Variants in ANKS1B observed in about 807,000 individuals in gnomAD.
The protein encoded by ANKS1B is ankyrin repeat and sterile alpha motif domain-containing protein 1B.
ANKS1B carries 36 observed loss-of-function variants against 148.3 expected under a neutral mutation model. The observed-to-expected ratio is 0.24, with a 90% CI of 0.19 to 0.32. ANKS1B has a LOEUF of 0.32. Ranked by LOEUF, ANKS1B falls within the 10% of genes least tolerant of loss-of-function variation. ANKS1B has a pLI of 1.00. For missense variants in ANKS1B, 1,157 were observed against 1,542.6 expected, an observed-to-expected ratio of 0.75 and a Z score of 4.19; for synonymous variants, 542 against 560.8, an observed-to-expected ratio of 0.97 and a Z score of 0.47.
chr12:99,021,640 A>G lies in ANKS1B; in HGVS notation c.2778+31517T>C, dbSNP rs571671857. 1.2e-4 allele frequency among the ~76,000 whole-genome samples: 18 copies of G among 152,334 alleles called. No homozygotes were observed. The East Asian group carries it at 3.1e-3, about 26-fold the overall frequency. ...GAAAGAACTTTGAAATGAGGAAAAC[A>G]AAATTGCCCAATAAAGGTGATATTT... On this transcript the variant is annotated intron_variant, in intron 17 of 26. Coordinates refer to ENST00000683438, the MANE Select transcript of ANKS1B (RefSeq NM_001352186.2).
At chr12:99,083,491 T>A (rs1397137864) in intron 16 of ANKS1B, among the ~76,000 whole-genome samples, 1 of 152,124 alleles carries the variant, frequency 6.6e-6, no homozygotes, top group Non-Finnish European at 1.5e-5. Flanking sequence ...AAATTTCAAA[T>A]TCCTCAGCCT....
At chr12:99,110,387 A>G (rs1448903458) in intron 15 of ANKS1B, among the ~76,000 whole-genome samples, 1 of 152,250 alleles carries the variant, frequency 6.6e-6, no homozygotes, top group African/African-American at 2.4e-5. Flanking sequence ...ATAGAAATAC[A>G]TCTTGCCTGA....
In ANKS1B at chr12:99,368,625, G is replaced by A. The variant is rs543344853; in HGVS notation, c.1756+31006C>T. ...CATTATAGATGTATAAAATATATGC[G>A]TATTTTTTCTTGCACTATCTGTTGT... On this transcript the variant is annotated intron_variant, in intron 12 of 26. Coordinates refer to ENST00000683438, the MANE Select transcript of ANKS1B (RefSeq NM_001352186.2). 2.7e-4 allele frequency among the ~76,000 whole-genome samples: 41 copies of A among 151,924 alleles called. 1 individual carries two copies. Among genetic ancestry groups the A allele is most frequent in the Admixed American group, 1.8e-3 (27 of 15,234 alleles).
Position 99,655,223 on chromosome 12 carries a change from T to C in ANKS1B, c.1129-13A>G, listed in dbSNP as rs775642621. On this transcript the variant is annotated splice_polypyrimidine_tract_variant and intron_variant, in intron 8 of 26. Coordinates refer to ENST00000683438, the MANE Select transcript of ANKS1B (RefSeq NM_001352186.2). ...TAGATGAGGTTCTCTGAAATTAAAT[T>C]TATATCATACCAATATATTATATCA... The C allele has an allele frequency of 6.4e-7, 1 of 1,574,454 alleles. No homozygotes were observed. The highest frequency in any genetic ancestry group is 1.1e-5 in the South Asian group (1 of 87,478).
chr12:99,941,613 T>C (rs1193460152), intron 1 of ANKS1B, among the ~76,000 whole-genome samples: 1 of 152,142 alleles, frequency 6.6e-6, no homozygotes, highest in African/African-American at 2.4e-5. Context: ...AAATAAGCTG[T>C]AGTCCTTCAC....
chr12:99,980,778 C>A (rs971343061), intron 1 of ANKS1B, among the ~76,000 whole-genome samples: 5 of 151,998 alleles, frequency 3.3e-5, no homozygotes, highest in African/African-American at 1.2e-4. Context: ...AAGAACTATC[C>A]TGCAGATGAA....
chr12:99,430,006 T>C (rs569486771), intron 11 of ANKS1B, among the ~76,000 whole-genome samples: 3 of 149,262 alleles, frequency 2.0e-5, no homozygotes, highest in African/African-American at 7.4e-5. Context: ...ACACCAGTGC[T>C]AATGAGGCAT....
chr12:99,373,058 T>A (rs1181730307), intron 12 of ANKS1B, among the ~76,000 whole-genome samples: 1 of 152,154 alleles, frequency 6.6e-6, no homozygotes, highest in African/African-American at 2.4e-5. Context: ...GATGTGAAAA[T>A]CACCTTCTTC....
At chr12:99,350,249 C>T (rs4385982) in intron 12 of ANKS1B, among the ~76,000 whole-genome samples, 2 of 152,042 alleles carry the variant, frequency 1.3e-5, no homozygotes, top group East Asian at 3.9e-4. Flanking sequence ...TGTAACTTTC[C>T]TGAGGCCTCT....
At chr12:99,393,986 G>C (rs146350456) in intron 12 of ANKS1B, among the ~76,000 whole-genome samples, 2 of 152,150 alleles carry the variant, frequency 1.3e-5, no homozygotes, top group Admixed American at 1.3e-4. Context: ...TCCTCCAGCT[G>C]ACATAGGCTG....
At chr12:99,814,492 C>T (rs2068848527) in intron 2 of ANKS1B, among the ~76,000 whole-genome samples, 1 of 151,672 alleles carries the variant, frequency 6.6e-6, no homozygotes, top group Non-Finnish European at 1.5e-5. Context: ...AAAGGTTATC[C>T]AGTTCACACG....
intron 9 of ANKS1B, among the ~76,000 whole-genome samples, chr12:99,638,753 G>A (rs1023209918): frequency 4.6e-5 from 7 of 152,194 alleles, no homozygotes; most frequent in African/African-American, 1.4e-4. Flanking sequence ...GACATTCACA[G>A]CAGCCCCTCC....
chr12:99,961,398 A>C (rs920445682), intron 1 of ANKS1B, among the ~76,000 whole-genome samples: 5 of 152,164 alleles, frequency 3.3e-5, no homozygotes, highest in African/African-American at 1.2e-4. Flanking sequence ...ATTTTTCCAC[A>C]TGCCTCTTTT....
At chr12:99,470,569 T>G in intron 10 of ANKS1B, among the ~76,000 whole-genome samples, 1 of 152,184 alleles carries the variant, frequency 6.6e-6, no homozygotes, top group East Asian at 1.9e-4. Context: ...TCAATTCTCC[T>G]ATTATTTTTA....
intron 9 of ANKS1B, among the ~76,000 whole-genome samples, chr12:99,620,022 G>C (rs1268650690): frequency 1.3e-5 from 2 of 152,156 alleles, no homozygotes. Context: ...TATACACCCA[G>C]CTACGGTGGC....
intron 16 of ANKS1B, among the ~76,000 whole-genome samples, chr12:99,054,689 T>A (rs548567390): frequency 8.6e-4 from 131 of 152,240 alleles, no homozygotes; most frequent in African/African-American, 3.0e-3. Flanking sequence ...CAGGTGAGTG[T>A]CACCAAGCCT....
intron 11 of ANKS1B, among the ~76,000 whole-genome samples, chr12:99,404,169 T>C (rs1567036686): frequency 6.9e-6 from 1 of 145,618 alleles, no homozygotes; most frequent in Non-Finnish European, 1.5e-5. Flanking sequence ...ACTGGGCCTA[T>C]TGGAGAGTGG....
At chr12:99,236,223 G>C (rs1224673476) in intron 14 of ANKS1B, among the ~76,000 whole-genome samples, 1 of 152,194 alleles carries the variant, frequency 6.6e-6, no homozygotes, top group Admixed American at 6.5e-5. Flanking sequence ...GGGTTTTCTA[G>C]ATATAGGATC....
intron 17 of ANKS1B, among the ~76,000 whole-genome samples, chr12:99,037,724 TAAGGTACTATCAGGTCA>T (rs1463764872): frequency 2.6e-5 from 4 of 152,202 alleles, no homozygotes; most frequent in Non-Finnish European, 4.4e-5. Flanking sequence ...TTTTTTCCTT[TAAGGTACTATCAGGTCA>T]GTGTGAAAAA....
Sources: gnomAD v4.1 joint callset for allele counts (sites outside exome capture counted in the v4.1 genomes callset) on GRCh38, gnomAD v4.1.1 for gene constraint, MANE v1.5 for transcripts, NCBI Gene and HGNC (gene_info 2026-07-23, HGNC 2026-07-21) for gene names.